NAA11: variants seen among roughly 807,000 people sequenced by gnomAD.
NAA11 encodes N-alpha-acetyltransferase 11.
In NAA11, 15 loss-of-function variants were observed where a neutral mutation model predicts 16.1. That is an observed-to-expected ratio of 0.93 (90% confidence interval 0.62 to 1.44). The LOEUF (loss-of-function observed/expected upper bound fraction) is 1.44, where lower values mean the gene tolerates loss of function less well. Ranked by LOEUF, NAA11 falls within the 40% of genes most tolerant of loss-of-function variation. The pLI is 0.00. For synonymous variants in NAA11, 122 were observed against 112.4 expected, an observed-to-expected ratio of 1.09 and a Z score of -0.54; for missense variants, 298 against 291.3, an observed-to-expected ratio of 1.02 and a Z score of -0.17.
chr4:79,289,329 G>T (rs540489449), intron 2 of NAA11, among the ~76,000 whole-genome samples: 1 of 152,312 alleles, frequency 6.6e-6, no homozygotes, highest in African/African-American at 2.4e-5. Flanking sequence ...GCAATTGAGA[G>T]AAAAATCTCA....
the NAA11 span, among the ~76,000 whole-genome samples, chr4:79,194,696 C>G: frequency 6.6e-6 from 1 of 152,204 alleles, no homozygotes; most frequent in African/African-American, 2.4e-5. Flanking sequence ...AGGAGTTTGT[C>G]TTTCTCACAT....
chr4:79,195,384 A>T, the NAA11 span, among the ~76,000 whole-genome samples: 1 of 152,070 alleles, frequency 6.6e-6, no homozygotes, highest in African/African-American at 2.4e-5. Flanking sequence ...TTTTTAAAAT[A>T]TAGTTTTAAA....
At chr4:79,272,680 T>C (rs1221908280) in intron 2 of NAA11, among the ~76,000 whole-genome samples, 2 of 152,044 alleles carry the variant, frequency 1.3e-5, no homozygotes, top group African/African-American at 4.8e-5. Context: ...TATAGAGTAA[T>C]GCTAAGAAAT....
downstream of NAA11, among the ~76,000 whole-genome samples, chr4:79,316,309 A>G (rs939107973): frequency 2.6e-5 from 4 of 152,222 alleles, no homozygotes; most frequent in Admixed American, 1.3e-4. Context: ...TATTAAAAAG[A>G]AAAAAGGAAA....
intron 2 of NAA11, among the ~76,000 whole-genome samples, chr4:79,262,038 A>G (rs888264305): frequency 6.6e-6 from 1 of 152,170 alleles, no homozygotes; most frequent in African/African-American, 2.4e-5. Context: ...GGAGAACCTA[A>G]TATCTTTTGA....
chr4:79,170,385 A>C, the NAA11 span, among the ~76,000 whole-genome samples: 34 of 152,190 alleles, frequency 2.2e-4, no homozygotes, highest in African/African-American at 8.2e-4. Flanking sequence ...TGCTGGAGAC[A>C]TGGAGAAGCC....
chr4:79,314,985 G>A (rs1441796197), downstream of NAA11, among the ~76,000 whole-genome samples: 1 of 152,028 alleles, frequency 6.6e-6, no homozygotes, highest in Non-Finnish European at 1.5e-5. Flanking sequence ...TTATGTAAAT[G>A]TATATTTAAG....
At chr4:79,157,955 C>G in the NAA11 span, among the ~76,000 whole-genome samples, 1 of 143,418 alleles carries the variant, frequency 7.0e-6, no homozygotes, top group Admixed American at 7.2e-5. Context: ...GGCTGGAGTA[C>G]AGTGGCGTGA....
chr4:79,214,252 T>C, the NAA11 span, among the ~76,000 whole-genome samples: 2 of 152,202 alleles, frequency 1.3e-5, no homozygotes, highest in African/African-American at 4.8e-5. Context: ...CTCTTGATTT[T>C]GATAACAGAA....
chr4:79,269,940 C>A (rs1440713408), intron 2 of NAA11, among the ~76,000 whole-genome samples: 10 of 152,254 alleles, frequency 6.6e-5, no homozygotes, highest in African/African-American at 1.9e-4. Context: ...GTTTTCCCAG[C>A]ACCATAGTAT....
intron 2 of NAA11, among the ~76,000 whole-genome samples, chr4:79,253,665 T>G (rs112142655): frequency 0.024 from 3,597 of 152,278 alleles, 66 homozygotes; most frequent in Non-Finnish European, 0.037. Flanking sequence ...GACAGAATAT[T>G]CAAGAAGAGA....
chr4:79,190,453 T>TC, the NAA11 span, among the ~76,000 whole-genome samples: 1 of 37,178 alleles, frequency 2.7e-5, no homozygotes, highest in East Asian at 7.4e-4. Context: ...TCCTTGTCTC[T>TC]CCCTTTTTTT....
rs1312604130 is a variant in NAA11 at position 79,325,525 on chromosome 4, G to A, written c.353C>T (p.Ala118Val). Residue 118 changes from alanine to valine, a missense_variant, in exon 1 of 2, where the codon GCC (alanine) becomes GTC (valine). Coordinates refer to ENST00000286794, the MANE Select transcript of NAA11 (RefSeq NM_032693.3). ...SLHVRKSNRP[A>V]LHLYSNTLNF... ...GAGGGTGTTAGAATAAAGGTGCAAG[G>A]CTGGCCGGTTACTCTTCCTGACGTG... 6.2e-7 allele frequency: 1 copy of A among 1,614,164 alleles called. No homozygotes were observed.
intron 2 of NAA11, among the ~76,000 whole-genome samples, chr4:79,282,760 G>C (rs1722823113): frequency 6.6e-6 from 1 of 152,070 alleles, no homozygotes; most frequent in Admixed American, 6.6e-5. Context: ...TTTCAGGTGA[G>C]GTTCAAGGCT....
intron 1 of NAA11, among the ~76,000 whole-genome samples, chr4:79,298,733 G>A (rs1205649775): frequency 6.6e-6 from 1 of 152,210 alleles, no homozygotes; most frequent in Non-Finnish European, 1.5e-5. Context: ...CCAGACCAGT[G>A]GTATGAGCCG....
chr4:79,241,316 C>T (rs564489950), intron 2 of NAA11, among the ~76,000 whole-genome samples: 24 of 152,258 alleles, frequency 1.6e-4, no homozygotes, highest in African/African-American at 5.5e-4. Flanking sequence ...ATATAACATA[C>T]AAAATATACG....
chr4:79,199,065 G>A, the NAA11 span, among the ~76,000 whole-genome samples: 2 of 151,884 alleles, frequency 1.3e-5, no homozygotes, highest in Non-Finnish European at 2.9e-5. Flanking sequence ...GATACCAGAT[G>A]TCAAACCACA....
At chr4:79,266,483 C>T (rs17003695) in intron 2 of NAA11, among the ~76,000 whole-genome samples, 10,075 of 152,176 alleles carry the variant, frequency 0.066, 397 homozygotes, top group African/African-American at 0.1. Context: ...CAGGTTTTTG[C>T]CCCTCAGCAT....
chr4:79,313,952 G>C (rs1723856069), downstream of NAA11, among the ~76,000 whole-genome samples: 1 of 152,072 alleles, frequency 6.6e-6, no homozygotes, highest in Non-Finnish European at 1.5e-5. Flanking sequence ...AAACAAATTG[G>C]GACAAATTTC....
Sources: gnomAD v4.1 joint callset for allele counts (sites outside exome capture counted in the v4.1 genomes callset) on GRCh38, gnomAD v4.1.1 for gene constraint, MANE v1.5 for transcripts, NCBI Gene and HGNC (gene_info 2026-07-23, HGNC 2026-07-21) for gene names.